Variants in MTREX observed in about 807,000 individuals in gnomAD.
The protein encoded by MTREX is Mtr4 exosome RNA helicase.
In MTREX, 76 loss-of-function variants were observed where a neutral mutation model predicts 135.4. That is an observed-to-expected ratio of 0.56 (90% CI 0.47 to 0.68). The LOEUF (loss-of-function observed/expected upper bound fraction) is 0.68, where lower values mean the gene tolerates loss of function less well. MTREX is among the 30% of genes least tolerant of loss of function. MTREX has a pLI of 0.00. For synonymous variants in MTREX, 404 were observed against 401.6 expected (o/e 1.01, Z -0.07); for missense variants, 920 against 1,262.1 (o/e 0.73, Z 4.11).
rs1371348337 is a variant in MTREX, at chr5:55,347,962, C to T, written c.1240+818C>T. 3.9e-5 allele frequency among the ~76,000 whole-genome samples: 6 copies of T among 152,248 alleles called. No individual in the cohort carries two copies. In the South Asian group the frequency reaches 8.3e-4, roughly 21 times the overall value. On this transcript the variant is annotated intron_variant, in intron 11 of 26. Transcript: ENST00000230640. ...ATCTCATGAGACTTAGTCACTGTCA[C>T]GAGAGCAGCACAGGAAAGAGACACC...
Position 55,315,862 on chromosome 5 carries a change from A to G in MTREX, c.135-6465A>G, listed in dbSNP as rs1165951906. Among the ~76,000 whole-genome samples the G allele has an allele frequency of 1.3e-3, 184 of 145,742 alleles. 1 individual carries two copies. The highest frequency in any genetic ancestry group is 4.4e-3 in the Admixed American group (65 of 14,832). On this transcript the variant is annotated intron_variant, in intron 1 of 26. Transcript: ENST00000230640. ...ATGATACAGCTGGGACCCAACTTGAAAAAAAAAAAAAAAAACCTGTGGAAC... is the reference window on the plus strand; with the variant it reads ...ATGATACAGCTGGGACCCAACTTGAGAAAAAAAAAAAAAAACCTGTGGAAC...
At chr5:55,381,682 G>T (rs1445682000) in intron 18 of MTREX, among the ~76,000 whole-genome samples, 2 of 152,182 alleles carry the variant, frequency 1.3e-5, no homozygotes, top group Admixed American at 6.5e-5. Flanking sequence ...CTGTCCTGCA[G>T]AATGTTCTAT....
At chr5:55,368,399 G>A (rs557592304) in intron 16 of MTREX, among the ~76,000 whole-genome samples, 2 of 152,172 alleles carry the variant, frequency 1.3e-5, no homozygotes, top group East Asian at 3.9e-4. Context: ...GCAGTGAGCC[G>A]AGATTGTACC....
chr5:55,392,316 G>A (rs931981508), intron 19 of MTREX, among the ~76,000 whole-genome samples: 2 of 152,058 alleles, frequency 1.3e-5, no homozygotes, highest in Non-Finnish European at 2.9e-5. Flanking sequence ...GGCTGACGTG[G>A]GTAGATGACT....
At chr5:55,340,641 G>A (rs1329224910) in intron 6 of MTREX, among the ~76,000 whole-genome samples, 1 of 152,126 alleles carries the variant, frequency 6.6e-6, no homozygotes, top group Non-Finnish European at 1.5e-5. Flanking sequence ...GAGTGCAGTG[G>A]TGCAACCTCT....
chr5:55,376,961 C>A (rs1183501837), intron 16 of MTREX, among the ~76,000 whole-genome samples: 4 of 151,928 alleles, frequency 2.6e-5, no homozygotes, highest in Non-Finnish European at 5.9e-5. Flanking sequence ...ATCTCAGCTA[C>A]TCAGGAGGCT....
At chr5:55,376,021 A>G (rs890845465) in intron 16 of MTREX, among the ~76,000 whole-genome samples, 1 of 152,176 alleles carries the variant, frequency 6.6e-6, no homozygotes, top group African/African-American at 2.4e-5. Flanking sequence ...CAAGCCGATT[A>G]AACAGAGAAA....
At position 55,400,320 on chromosome 5, in the gene MTREX, A is replaced by G. The variant is rs767328942; in HGVS notation, c.2380A>G (p.Ile794Val). ...TCAAGATCAAGGGCTGAAAAAAGTCATTCAGAAAGTAGAAGCTTTTGAGCA... is the reference window on the plus strand; with the variant it reads ...TCAAGATCAAGGGCTGAAAAAAGTCGTTCAGAAAGTAGAAGCTTTTGAGCA... The part of the protein sequence containing the change: ...GIQDQGLKKV[I>V]QKVEAFEHRM... Residue 794 changes from isoleucine to valine, a missense_variant, in exon 21 of 27, where the codon ATT (isoleucine) becomes GTT (valine). Transcript: ENST00000230640. 6.2e-7 allele frequency: 1 copy of G among 1,613,624 alleles called. No individual in the cohort carries two copies. Among genetic ancestry groups the G allele is most frequent in the Admixed American group, 1.7e-5 (1 of 59,990 alleles).
chr5:55,352,008 G>T (rs1003142073), intron 13 of MTREX, among the ~76,000 whole-genome samples: 4 of 112,362 alleles, frequency 3.6e-5, no homozygotes, highest in Admixed American at 1.6e-4. Flanking sequence ...CTTGTTTTTT[G>T]TTTTTGTTTT....
chr5:55,340,060 GC>G lies in MTREX; in HGVS notation c.569del (p.Pro190GlnfsTer5). ...LREKQRVIFT[S>X]PIKALSNQKY... Reference sequence around the variant, plus strand: ...GAAAAGCAGCGTGTAATATTTACCAGCCCAATTAAGGCTCTGAGTAACCAAA... The same window carrying G: ...GAAAAGCAGCGTGTAATATTTACCAGCCAATTAAGGCTCTGAGTAACCAAA... On this transcript the variant is annotated frameshift_variant, in exon 6 of 27. Transcript: ENST00000230640. LOFTEE classifies it high-confidence loss of function. 6.3e-7 allele frequency: 1 copy of G among 1,595,992 alleles called. No homozygotes were observed. Among genetic ancestry groups the G allele is most frequent in the Non-Finnish European group, 8.5e-7 (1 of 1,171,780 alleles).
chr5:55,377,423 A>G (rs1455751730), intron 16 of MTREX, among the ~76,000 whole-genome samples: 1 of 152,220 alleles, frequency 6.6e-6, no homozygotes, highest in African/African-American at 2.4e-5. Flanking sequence ...AGCTCAAAAC[A>G]GTTATATCCT....
At chr5:55,422,811 C>T (rs1376352904) in intron 25 of MTREX, 67 bp from the exon 26 acceptor site, 1 of 1,299,400 alleles carries the variant, frequency 7.7e-7, no homozygotes, top group Non-Finnish European at 1.1e-6. Context: ...TGCCTTGCCT[C>T]TTAACAAAAA....
chr5:55,382,358 G>A (rs187946629), intron 18 of MTREX, among the ~76,000 whole-genome samples: 10 of 151,828 alleles, frequency 6.6e-5, no homozygotes, highest in South Asian at 2.1e-4. Context: ...TTTATATAGC[G>A]AGAGAGAGAG....
At chr5:55,329,149 G>A (rs1339851236) in intron 5 of MTREX, among the ~76,000 whole-genome samples, 1 of 151,836 alleles carries the variant, frequency 6.6e-6, no homozygotes, top group African/African-American at 2.4e-5. Context: ...TTATGTCTAT[G>A]GGTATAAAAT....
chr5:55,396,062 G>A (rs563866067), intron 19 of MTREX, among the ~76,000 whole-genome samples: 13 of 152,284 alleles, frequency 8.5e-5, no homozygotes, highest in African/African-American at 3.1e-4. Flanking sequence ...GAAAGAGAAC[G>A]ATGAAGCAAA....
At chr5:55,369,234 A>C (rs1339165557) in intron 16 of MTREX, among the ~76,000 whole-genome samples, 23 of 152,190 alleles carry the variant, frequency 1.5e-4, no homozygotes, top group Admixed American at 1.5e-3. Flanking sequence ...TATTAATTTT[A>C]CCTTATGGAA....
chr5:55,425,423 A>G lies in MTREX; in HGVS notation c.*651A>G. On this transcript the variant is annotated 3_prime_UTR_variant, in exon 27 of 27. Coordinates refer to ENST00000230640, the MANE Select transcript of MTREX (RefSeq NM_015360.5). ...ATCAACAGCATCCTAAGATAAATATAAACAAAAGGATATACTTTGAGGTGT... is the reference window on the plus strand; with the variant it reads ...ATCAACAGCATCCTAAGATAAATATGAACAAAAGGATATACTTTGAGGTGT... 1 of 1,223,358 alleles carries G rather than the reference A, an allele frequency of 8.2e-7. No homozygotes were observed. Among genetic ancestry groups the G allele is most frequent in the Non-Finnish European group, 1.1e-6 (1 of 876,252 alleles). 75.8% of individuals were successfully genotyped at this position (1,223,358 alleles called of 1,614,324 possible).
intron 20 of MTREX, among the ~76,000 whole-genome samples, chr5:55,399,171 A>G (rs1466841044): frequency 1.3e-5 from 2 of 152,188 alleles, no homozygotes; most frequent in Non-Finnish European, 2.9e-5. Context: ...ATATCCTGAA[A>G]CTGTACCATA....
intron 19 of MTREX, among the ~76,000 whole-genome samples, chr5:55,396,008 G>A (rs542305471): frequency 4.6e-5 from 7 of 152,258 alleles, no homozygotes; most frequent in Non-Finnish European, 8.8e-5. Context: ...TCATTGTCTC[G>A]ACATTAGATT....
Sources: gnomAD v4.1 joint callset for allele counts (sites outside exome capture counted in the v4.1 genomes callset) on GRCh38, gnomAD v4.1.1 for gene constraint, MANE v1.5 for transcripts, NCBI Gene and HGNC (gene_info 2026-07-23, HGNC 2026-07-21) for gene names.